The following IFRD1 variants were observed in gnomAD, a reference collection of about 807,000 sequenced individuals.
IFRD1 encodes interferon related developmental regulator 1.
In IFRD1, 35 loss-of-function variants were observed where a neutral mutation model predicts 52.9. The ratio of observed to expected loss-of-function variants is 0.66; its 90% CI spans 0.51 to 0.88. The LOEUF (loss-of-function observed/expected upper bound fraction) is 0.88. IFRD1 is among the 40% of genes least tolerant of loss of function. The probability of loss-of-function intolerance (pLI) is 0.00; values close to 1 mark genes in which losing one functional copy is unlikely to be tolerated. For missense variants in IFRD1, 517 were observed against 550.8 expected, an observed-to-expected ratio of 0.94 and a Z score of 0.61; for synonymous variants, 184 against 188.4, an observed-to-expected ratio of 0.98 and a Z score of 0.19.
At chr7:112,435,653 T>TGTGTGTGTGTGTGTGTGC (rs1358291906) in intron 1 of IFRD1, 2 of 149,294 alleles carry the variant, frequency 1.3e-5, no homozygotes, top group Non-Finnish European at 2.9e-5. Flanking sequence ...TGTGTGTGTG[T>TGTGTGTGTGTGTGTGTGC]GTGCGTGCTT....
Position 112,458,751 on chromosome 7 carries a change from T to C in IFRD1, c.410-110T>C, listed in dbSNP as rs535554223. 2.1e-5 allele frequency: 21 copies of C among 995,612 alleles called. No homozygotes were observed. In the African/African-American group the frequency reaches 3.2e-4, roughly 15 times the overall value. The allele number at this position is 995,612 out of a possible 1,614,324, so 61.7% of individuals were successfully genotyped here. On this transcript the variant is annotated intron_variant, in intron 4 of 11. Transcript: ENST00000403825. ...ACATCAAAGCCTGGAGCATGGGGTT[T>C]CAAAAATGGTAAATGCTATTTTGTC...
At chr7:112,474,239 C>G (rs1795835894) in intron 11 of IFRD1, among the ~76,000 whole-genome samples, 1 of 152,106 alleles carries the variant, frequency 6.6e-6, no homozygotes, top group Non-Finnish European at 1.5e-5. Flanking sequence ...TTGAAAGGCT[C>G]TTTGCAATTT....
intron 1 of IFRD1, among the ~76,000 whole-genome samples, chr7:112,444,840 G>GTGCTA (rs1234767539): frequency 6.6e-6 from 1 of 152,056 alleles, no homozygotes; most frequent in African/African-American, 2.4e-5. Context: ...AAACTACTGG[G>GTGCTA]TGCTATGCTC....
At chr7:112,461,015 G>GA (rs1795420161) in intron 5 of IFRD1, among the ~76,000 whole-genome samples, 1 of 152,134 alleles carries the variant, frequency 6.6e-6, no homozygotes, top group Admixed American at 6.5e-5. Context: ...GTTGTGTTCT[G>GA]AGTATGTTTT....
intron 1 of IFRD1, among the ~76,000 whole-genome samples, chr7:112,425,525 A>G (rs1252270951): frequency 6.6e-6 from 1 of 152,094 alleles, no homozygotes; most frequent in African/African-American, 2.4e-5. Flanking sequence ...GGACTCTAGA[A>G]CTTGTACCAG....
At position 112,459,017 on chromosome 7, in the gene IFRD1, CT is replaced by C; in HGVS notation, c.567del (p.Cys190ValfsTer63). ...DGSASMQARQTCATCFGVCCF... is the reference protein window; with the variant it reads ...DGSASMQARQXCATCFGVCCF... ...TCAGCTAGTATGCAGGCTAGGCAAA[CT>C]GTAAGTATAAGATATTTACATTTAT... On this transcript the variant is annotated frameshift_variant and splice_region_variant, in exon 5 of 12. Coordinates refer to ENST00000403825, the MANE Select transcript of IFRD1 (RefSeq NM_001550.4). LOFTEE classifies it high-confidence loss of function. The C allele has an allele frequency of 6.2e-7, 1 of 1,611,864 alleles. No homozygotes were observed. Among genetic ancestry groups the C allele is most frequent in the Non-Finnish European group, 8.5e-7 (1 of 1,178,150 alleles).
intron 11 of IFRD1, among the ~76,000 whole-genome samples, chr7:112,474,648 C>T (rs897803007): frequency 1.1e-4 from 16 of 151,970 alleles, no homozygotes; most frequent in African/African-American, 1.7e-4. Flanking sequence ...ATATTGGAGA[C>T]GATATTTAAA....
intron 8 of IFRD1, among the ~76,000 whole-genome samples, chr7:112,462,800 T>G (rs544833848): frequency 6.8e-6 from 1 of 146,438 alleles, no homozygotes; most frequent in East Asian, 1.9e-4. Flanking sequence ...TTCAGTAACT[T>G]CTCTAAGCCA....
intron 8 of IFRD1, 47 bp downstream of exon 8, chr7:112,462,425 T>C (rs770839487): frequency 7.9e-7 from 1 of 1,273,506 alleles, no homozygotes; most frequent in Non-Finnish European, 1.1e-6. Flanking sequence ...ACAAGGCCCA[T>C]TGTTCCATCA....
rs1047139611 is a variant in IFRD1 at position 112,451,001 on chromosome 7, C to A, written c.94+219C>A. 8.6e-6 allele frequency: 5 copies of A among 581,558 alleles called. No individual in the cohort carries two copies. The African/African-American group carries it at 9.4e-5, about 11-fold the overall frequency. The allele number at this position is 581,558 out of a possible 1,614,324, so 36.0% of individuals were successfully genotyped here. ...GCGAACCGGACTCTTGGGCACCGGC[C>A]GTGGGGGCAGGGAGGAACGGGTCCT... On this transcript the variant is annotated intron_variant, in intron 1 of 11. Transcript: ENST00000403825.
chr7:112,435,766 T>C (rs1004370379), intron 1 of IFRD1: 4 of 152,106 alleles, frequency 2.6e-5, no homozygotes, highest in African/African-American at 4.8e-5. Flanking sequence ...CTGGTCAGGT[T>C]TTAGTTGGCT....
intron 8 of IFRD1, among the ~76,000 whole-genome samples, chr7:112,463,839 T>G (rs1448777092): frequency 7.1e-6 from 1 of 140,380 alleles, no homozygotes; most frequent in African/African-American, 2.7e-5. Context: ...TATACATATA[T>G]ATACACATTT....
chr7:112,424,681 C>A (rs1794392118), intron 1 of IFRD1, among the ~76,000 whole-genome samples: 4 of 152,114 alleles, frequency 2.6e-5, no homozygotes, highest in Admixed American at 2.6e-4. Flanking sequence ...TCCCAAAGTG[C>A]TGGGATTGCA....
chr7:112,473,548 C>A (rs1191097641), intron 11 of IFRD1, among the ~76,000 whole-genome samples: 1 of 151,970 alleles, frequency 6.6e-6, no homozygotes, highest in African/African-American at 2.4e-5. Flanking sequence ...CCTCAGCCTC[C>A]TGAATAGCTG....
In IFRD1 at chr7:112,477,141, A is replaced by G. The variant is rs530213771; in HGVS notation, c.*1622A>G. On this transcript the variant is annotated 3_prime_UTR_variant, in exon 12 of 12. Transcript: ENST00000403825. ...GTTTCTTCTAGATATTCAAATGCATATATGTATGTACATGTAATTATAAAT... is the reference window on the plus strand; with the variant it reads ...GTTTCTTCTAGATATTCAAATGCATGTATGTATGTACATGTAATTATAAAT... 1 of 152,356 alleles carries G rather than the reference A, an allele frequency of 6.6e-6. No homozygotes were observed. The highest frequency in any genetic ancestry group is 1.5e-5 in the Non-Finnish European group (1 of 68,040). The allele number at this position is 152,356 out of a possible 1,614,324, so 9.4% of individuals were successfully genotyped here. A position where few individuals can be genotyped will look rare whatever the true frequency, so the allele number is the denominator to read the frequency against.
rs546229031 is a variant in IFRD1 at position 112,455,671 on chromosome 7, A to G, written c.95-92A>G. 45 of 809,286 alleles carry G rather than the reference A, an allele frequency of 5.6e-5. No homozygotes were observed. In the African/African-American group the frequency reaches 7.3e-4, roughly 13 times the overall value. 50.1% of individuals were successfully genotyped at this position (809,286 alleles called of 1,614,324 possible). A position where few individuals can be genotyped will look rare whatever the true frequency, so the allele number is the denominator to read the frequency against. ...AATGAGTCTGTGGTTTTATTACTGG[A>G]TTTCTCTTTAAGTAAACTTAAAAAT... On this transcript the variant is annotated intron_variant, in intron 1 of 11. Transcript: ENST00000403825.
At chr7:112,438,515 G>A (rs1794770353) in intron 1 of IFRD1, among the ~76,000 whole-genome samples, 1 of 152,160 alleles carries the variant, frequency 6.6e-6, no homozygotes, top group Admixed American at 6.5e-5. Flanking sequence ...AGAGCTATAA[G>A]TATAAATGTT....
chr7:112,425,714 CT>C (rs1368953081), intron 1 of IFRD1, among the ~76,000 whole-genome samples: 1 of 152,118 alleles, frequency 6.6e-6, no homozygotes, highest in Non-Finnish European at 1.5e-5. Context: ...TCAAATCCCC[CT>C]AATATATCCC....
chr7:112,428,848 T>C (rs1236242344), intron 1 of IFRD1, among the ~76,000 whole-genome samples: 1 of 152,198 alleles, frequency 6.6e-6, no homozygotes, highest in Admixed American at 6.5e-5. Flanking sequence ...TTTCAAGTCA[T>C]CTTTCTTATT....
Sources: allele counts gnomAD v4.1 joint callset (sites outside exome capture counted in the v4.1 genomes callset), GRCh38; gene constraint gnomAD v4.1.1; transcripts MANE v1.5; gene names NCBI Gene and HGNC (gene_info 2026-07-23, HGNC 2026-07-21).